TMEM232: variants seen among roughly 807,000 people sequenced by gnomAD.
TMEM232 encodes transmembrane protein 232.
TMEM232 carries 80 observed loss-of-function variants against 78.8 expected under a neutral mutation model. The ratio of observed to expected loss-of-function variants is 1.01; its 90% CI spans 0.85 to 1.22. TMEM232 has a LOEUF of 1.22. Among genes scored for constraint, TMEM232 ranks in the 50% most tolerant of loss-of-function variants. The pLI is 0.00. For missense variants in TMEM232, 881 were observed against 742.2 expected (o/e 1.19, Z -2.17); for synonymous variants, 297 against 254.3 (o/e 1.17, Z -1.60).
intron 1 of TMEM232, among the ~76,000 whole-genome samples, chr5:110,691,353 C>T (rs1794099438): frequency 6.6e-6 from 1 of 152,084 alleles, no homozygotes; most frequent in Admixed American, 6.5e-5. Flanking sequence ...CTTTATTCAC[C>T]ATAGGAAGCC....
intron 8 of TMEM232, among the ~76,000 whole-genome samples, chr5:110,607,825 CT>C (rs1005406736): frequency 1.6e-4 from 24 of 151,946 alleles, no homozygotes; most frequent in African/African-American, 4.8e-4. Context: ...CCTCTTCCTC[CT>C]GCTTGTAATG....
chr5:110,674,351 A>C (rs547479213), intron 1 of TMEM232, among the ~76,000 whole-genome samples: 87 of 152,332 alleles, frequency 5.7e-4, no homozygotes, highest in Non-Finnish European at 9.0e-4. Context: ...TTATGAAGGT[A>C]AAAATGTTTA....
intron 12 of TMEM232, among the ~76,000 whole-genome samples, chr5:110,426,397 G>C (rs956321639): frequency 3.9e-5 from 6 of 152,000 alleles, no homozygotes; most frequent in Admixed American, 1.3e-4. Context: ...TTTAATGAAT[G>C]TTTGTATGTT....
intron 3 of TMEM232, among the ~76,000 whole-genome samples, chr5:110,393,601 C>A (rs1755281555): frequency 6.6e-6 from 1 of 152,054 alleles, no homozygotes; most frequent in South Asian, 2.1e-4. Context: ...AAATCCATAA[C>A]CTCAACCATT....
At chr5:110,438,004 T>C (rs1400890688) in intron 12 of TMEM232, among the ~76,000 whole-genome samples, 2 of 152,104 alleles carry the variant, frequency 1.3e-5, no homozygotes, top group African/African-American at 4.8e-5. Flanking sequence ...GTAGCATCTC[T>C]GTTTAGCCAG....
intron 10 of TMEM232, among the ~76,000 whole-genome samples, chr5:110,583,358 A>G (rs1778421736): frequency 6.6e-6 from 1 of 151,964 alleles, no homozygotes; most frequent in South Asian, 2.1e-4. Flanking sequence ...CGGCCAACTG[A>G]TATTCTACAT....
intron 12 of TMEM232, among the ~76,000 whole-genome samples, chr5:110,510,557 C>G (rs1191517099): frequency 6.6e-6 from 1 of 152,048 alleles, no homozygotes; most frequent in African/African-American, 2.4e-5. Flanking sequence ...TTCTCCCTAA[C>G]TAACAAAGCC....
chr5:110,673,427 C>T (rs184146710), intron 1 of TMEM232, among the ~76,000 whole-genome samples: 10 of 150,892 alleles, frequency 6.6e-5, no homozygotes, highest in Admixed American at 2.7e-4. Context: ...ATGTTGTGCA[C>T]ATGTACCCTA....
chr5:110,393,180 G>A (rs1397633966), intron 3 of TMEM232, among the ~76,000 whole-genome samples: 2 of 152,186 alleles, frequency 1.3e-5, no homozygotes, highest in Non-Finnish European at 2.9e-5. Flanking sequence ...GGTGAAGTTA[G>A]TTGATAGTAT....
At chr5:110,447,092 G>C (rs1195456847) in intron 12 of TMEM232, among the ~76,000 whole-genome samples, 1 of 150,686 alleles carries the variant, frequency 6.6e-6, no homozygotes, top group African/African-American at 2.4e-5. Context: ...TACTAATTTT[G>C]CCATATATAC....
chr5:110,526,450 G>C (rs1462782769), intron 12 of TMEM232, among the ~76,000 whole-genome samples: 2 of 151,766 alleles, frequency 1.3e-5, no homozygotes, highest in Admixed American at 6.6e-5. Context: ...CATATGAAAG[G>C]TGTTCAAACT....
At chr5:110,738,180 C>T (rs1011163168), upstream of TMEM232, 10 of 1,268,986 alleles carry the variant, frequency 7.9e-6, no homozygotes, top group African/African-American at 1.4e-4. Context: ...TAGGATGAAA[C>T]CATGGAAGTC....
chr5:110,583,055 T>C (rs1464564185), intron 10 of TMEM232, among the ~76,000 whole-genome samples: 1 of 152,012 alleles, frequency 6.6e-6, no homozygotes, highest in East Asian at 1.9e-4. Flanking sequence ...AAATACTTAA[T>C]ATTTTAAAAA....
chr5:110,455,924 A>C (rs1169379863), intron 12 of TMEM232, among the ~76,000 whole-genome samples: 1 of 152,220 alleles, frequency 6.6e-6, no homozygotes, highest in Non-Finnish European at 1.5e-5. Flanking sequence ...AAACTCTTTG[A>C]AAATGAAGAA....
chr5:110,611,901 A>G (rs1248039282), intron 8 of TMEM232, among the ~76,000 whole-genome samples: 1 of 152,154 alleles, frequency 6.6e-6, no homozygotes, highest in African/African-American at 2.4e-5. Context: ...TGTACATACA[A>G]CACCGTCAGA....
chr5:110,514,584 A>C (rs73222603), intron 12 of TMEM232, among the ~76,000 whole-genome samples: 4,595 of 152,208 alleles, frequency 0.03, 244 homozygotes, highest in African/African-American at 0.11. Context: ...CAGAGAAGTT[A>C]AGTAACTTAC....
intron 10 of TMEM232, among the ~76,000 whole-genome samples, chr5:110,596,308 A>C (rs1400207948): frequency 6.6e-6 from 1 of 152,198 alleles, no homozygotes; most frequent in African/African-American, 2.4e-5. Context: ...CCCAAGACTA[A>C]ACCAGGAAGA....
intron 10 of TMEM232, among the ~76,000 whole-genome samples, chr5:110,594,773 C>A (rs964928869): frequency 2.0e-5 from 3 of 152,228 alleles, no homozygotes; most frequent in African/African-American, 7.2e-5. Context: ...GAAAGAAAGG[C>A]AGCAGCCCCA....
chr5:110,695,328 T>A (rs1213413411), intron 1 of TMEM232, among the ~76,000 whole-genome samples: 1 of 152,170 alleles, frequency 6.6e-6, no homozygotes, highest in African/African-American at 2.4e-5. Context: ...TTTATAGCAC[T>A]AAATGCCCAC....
Sources: gnomAD v4.1 joint callset for allele counts (sites outside exome capture counted in the v4.1 genomes callset) on GRCh38, gnomAD v4.1.1 for gene constraint, MANE v1.5 for transcripts, NCBI Gene and HGNC (gene_info 2026-07-23, HGNC 2026-07-21) for gene names.